The following RSU1 variants were observed in gnomAD, a reference collection of about 807,000 sequenced individuals.
RSU1 encodes the protein rsu-1.
RSU1 carries 26 observed loss-of-function variants against 31.1 expected under a neutral mutation model. That is an observed-to-expected ratio of 0.84 (90% CI 0.61 to 1.16). The LOEUF (loss-of-function observed/expected upper bound fraction) is 1.16, where lower values mean the gene tolerates loss of function less well. RSU1 is among the 50% of genes most tolerant of loss of function. RSU1 has a pLI of 0.00. For missense variants in RSU1, 320 were observed against 339.1 expected (o/e 0.94, Z 0.44); for synonymous variants, 164 against 136.3 (o/e 1.20, Z -1.41).
chr10:16,617,199 G>C (rs1833992614), intron 8 of RSU1, among the ~76,000 whole-genome samples: 1 of 152,078 alleles, frequency 6.6e-6, no homozygotes, highest in Admixed American at 6.6e-5. Flanking sequence ...TAATAGATAA[G>C]CAGAGAGTGA....
chr10:16,719,393 C>T (rs775271046), intron 7 of RSU1, among the ~76,000 whole-genome samples: 5 of 152,180 alleles, frequency 3.3e-5, no homozygotes, highest in Non-Finnish European at 7.3e-5. Flanking sequence ...CCCTTTCCAT[C>T]AGACAATGGT....
At chr10:16,669,112 A>G (rs1169266338) in intron 8 of RSU1, among the ~76,000 whole-genome samples, 1 of 152,158 alleles carries the variant, frequency 6.6e-6, no homozygotes, top group African/African-American at 2.4e-5. Context: ...ACATTTATAC[A>G]AATGTTAGAA....
chr10:16,668,830 T>C (rs1203123827), intron 8 of RSU1, among the ~76,000 whole-genome samples: 2 of 152,222 alleles, frequency 1.3e-5, no homozygotes, highest in Non-Finnish European at 2.9e-5. Flanking sequence ...TGATGTCAAT[T>C]TGCCGTTTCA....
chr10:16,659,964 A>G (rs1834859037), intron 8 of RSU1, among the ~76,000 whole-genome samples: 1 of 152,202 alleles, frequency 6.6e-6, no homozygotes, highest in South Asian at 2.1e-4. Context: ...CTAGTGGGAA[A>G]TAATTCTCCA....
At chr10:16,651,901 TAAATG>T (rs928984662) in intron 8 of RSU1, among the ~76,000 whole-genome samples, 18 of 152,330 alleles carry the variant, frequency 1.2e-4, no homozygotes, top group African/African-American at 4.1e-4. Context: ...ATAAAGTAAG[TAAATG>T]AAATATTTAT....
chr10:16,809,314 G>C (rs1384451599), intron 2 of RSU1, among the ~76,000 whole-genome samples: 3 of 152,150 alleles, frequency 2.0e-5, no homozygotes, highest in Non-Finnish European at 2.9e-5. Context: ...AAGATGCTCT[G>C]GTTGACTGTA....
chr10:16,776,807 T>TAA (rs1434060434), intron 3 of RSU1, among the ~76,000 whole-genome samples: 138 of 137,050 alleles, frequency 1.0e-3, no homozygotes, highest in African/African-American at 3.9e-3. Context: ...GTCACAAAAT[T>TAA]TAAAAAAAAA....
At chr10:16,770,519 G>C (rs1381805113) in intron 3 of RSU1, among the ~76,000 whole-genome samples, 1 of 152,210 alleles carries the variant, frequency 6.6e-6, no homozygotes, top group Non-Finnish European at 1.5e-5. Context: ...CTTCTGGGGA[G>C]TTGGGGGCTG....
chr10:16,800,692 G>A (rs1279306593), intron 2 of RSU1, among the ~76,000 whole-genome samples: 2 of 152,126 alleles, frequency 1.3e-5, no homozygotes, highest in Non-Finnish European at 2.9e-5. Flanking sequence ...AGAAGGAACT[G>A]GAAATGTCTG....
At chr10:16,787,724 C>T (rs894187232) in intron 2 of RSU1, among the ~76,000 whole-genome samples, 6 of 152,202 alleles carry the variant, frequency 3.9e-5, no homozygotes, top group African/African-American at 1.4e-4. Flanking sequence ...TGTCCCTTTG[C>T]TCTTCCTTCA....
At chr10:16,799,828 G>C (rs971641831) in intron 2 of RSU1, among the ~76,000 whole-genome samples, 3 of 152,158 alleles carry the variant, frequency 2.0e-5, no homozygotes, top group African/African-American at 4.8e-5. Flanking sequence ...GTCTCAATTT[G>C]GTAGCCGGGG....
chr10:16,762,381 A>G (rs1176503186), intron 4 of RSU1, among the ~76,000 whole-genome samples: 1 of 151,630 alleles, frequency 6.6e-6, no homozygotes, highest in Non-Finnish European at 1.5e-5. Flanking sequence ...ATACATCTAT[A>G]TGTAGTTTTA....
intron 2 of RSU1, among the ~76,000 whole-genome samples, chr10:16,787,191 T>C (rs1289486345): frequency 2.6e-5 from 4 of 152,166 alleles, no homozygotes; most frequent in African/African-American, 9.7e-5. Flanking sequence ...GATGCTGGCT[T>C]GTGCTTTCTT....
intron 3 of RSU1, among the ~76,000 whole-genome samples, chr10:16,780,931 T>C (rs1462554332): frequency 1.3e-5 from 2 of 152,232 alleles, no homozygotes; most frequent in African/African-American, 4.8e-5. Context: ...ATATACGCTT[T>C]GGCTAACAAC....
intron 2 of RSU1, among the ~76,000 whole-genome samples, chr10:16,806,201 T>A (rs1425099310): frequency 6.6e-6 from 1 of 152,234 alleles, no homozygotes; most frequent in African/African-American, 2.4e-5. Context: ...TGTCCCTGAA[T>A]GCATTCCTAA....
intron 8 of RSU1, among the ~76,000 whole-genome samples, chr10:16,658,592 C>G (rs1834831500): frequency 6.6e-6 from 1 of 151,994 alleles, no homozygotes; most frequent in African/African-American, 2.4e-5. Context: ...AGCGTGGTGG[C>G]AGGCACCTGT....
At chr10:16,649,299 A>C (rs1324974009) in intron 8 of RSU1, among the ~76,000 whole-genome samples, 1 of 152,230 alleles carries the variant, frequency 6.6e-6, no homozygotes. Context: ...TCTCAGAGAT[A>C]TGCATCTTAT....
intron 8 of RSU1, among the ~76,000 whole-genome samples, chr10:16,692,911 A>G (rs1835590966): frequency 6.6e-6 from 1 of 152,300 alleles, no homozygotes; most frequent in Middle Eastern, 3.4e-3. Context: ...TTTATATAGG[A>G]GGATACGGTA....
chr10:16,608,944 TGTCTCAGCCTCCC>T (rs1477770156), intron 8 of RSU1, among the ~76,000 whole-genome samples: 1 of 152,138 alleles, frequency 6.6e-6, no homozygotes, highest in East Asian at 1.9e-4. Flanking sequence ...TAGATCCTCC[TGTCTCAGCCTCCC>T]AAAGTGCTGG....
Sources: allele counts gnomAD v4.1 joint callset (sites outside exome capture counted in the v4.1 genomes callset), GRCh38; gene constraint gnomAD v4.1.1; transcripts MANE v1.5; gene names NCBI Gene and HGNC (gene_info 2026-07-23, HGNC 2026-07-21).